SATB2: variants seen among roughly 807,000 people sequenced by gnomAD.
The protein encoded by SATB2 is SATB homeobox 2.
A neutral mutation model predicts 73.4 loss-of-function variants in SATB2; 1 was observed. The observed-to-expected ratio is 0.01, with a 90% confidence interval of 0.00 to 0.06. SATB2 has a LOEUF of 0.06. Ranked by LOEUF, SATB2 falls within the 10% of genes least tolerant of loss-of-function variation. The probability of loss-of-function intolerance (pLI) is 1.00; values close to 1 mark genes in which losing one functional copy is unlikely to be tolerated. For synonymous variants in SATB2, 397 were observed against 367.0 expected (o/e 1.08, Z -0.93); for missense variants, 459 against 945.8 (o/e 0.49, Z 6.75).
intron 10 of SATB2, among the ~76,000 whole-genome samples, chr2:199,278,261 T>C (rs892975875): frequency 2.6e-5 from 4 of 152,174 alleles, no homozygotes; most frequent in African/African-American, 9.7e-5. Context: ...ATATACTTGG[T>C]ACAATTGCAA....
intron 6 of SATB2, among the ~76,000 whole-genome samples, chr2:199,359,640 T>A (rs373783127): frequency 9.9e-5 from 15 of 152,184 alleles, no homozygotes; most frequent in Non-Finnish European, 1.5e-5. Flanking sequence ...ATTTACTAAG[T>A]ATTCACTGTG....
chr2:199,386,607 T>G (rs1216772575), intron 3 of SATB2, among the ~76,000 whole-genome samples: 1 of 152,056 alleles, frequency 6.6e-6, no homozygotes, highest in African/African-American at 2.4e-5. Flanking sequence ...TTCCCAACAT[T>G]CACATTCTAT....
Position 199,457,003 on chromosome 2 carries a change from A to T in SATB2, c.-60+336T>A, listed in dbSNP as rs995480850. 1.3e-5 allele frequency among the ~76,000 whole-genome samples: 2 copies of T among 151,328 alleles called. No individual in the cohort carries two copies. The highest frequency in any genetic ancestry group is 1.5e-5 in the Non-Finnish European group (1 of 67,810). ...GGGGGGGCGGGGAAGGAGGGGAAAC[A>T]CCTGATGAAACGGCGCTCGCGTTGT... On this transcript the variant is annotated intron_variant, in intron 1 of 10. Transcript: ENST00000417098. The surrounding 1 kb of genome is among the most constrained non-coding windows in gnomAD (Gnocchi z 4.8).
At chr2:199,344,908 T>C (rs1680453968) in intron 7 of SATB2, among the ~76,000 whole-genome samples, 2 of 152,168 alleles carry the variant, frequency 1.3e-5, no homozygotes, top group Admixed American at 6.5e-5. Flanking sequence ...AATGAAATTA[T>C]ACTCTAAACT....
At chr2:199,355,331 TG>T (rs1688941576) in intron 6 of SATB2, among the ~76,000 whole-genome samples, 1 of 101,234 alleles carries the variant, frequency 9.9e-6, no homozygotes, top group African/African-American at 3.7e-5. Context: ...TGTATGTGTG[TG>T]TGTGTGTGTG....
At chr2:199,288,603 C>A (rs555784364) in intron 10 of SATB2, among the ~76,000 whole-genome samples, 2 of 151,964 alleles carry the variant, frequency 1.3e-5, no homozygotes, top group African/African-American at 2.4e-5. Context: ...AGATGTTCAC[C>A]AAGAAAATAC....
chr2:199,327,108 T>C (rs773828377), intron 8 of SATB2, among the ~76,000 whole-genome samples: 8 of 152,162 alleles, frequency 5.3e-5, no homozygotes, highest in Non-Finnish European at 1.0e-4. Context: ...AAAACAACCT[T>C]TGGTTTTGAA....
intron 9 of SATB2, among the ~76,000 whole-genome samples, chr2:199,319,207 C>T (rs955803622): frequency 6.6e-6 from 1 of 152,092 alleles, no homozygotes; most frequent in Admixed American, 6.5e-5. Flanking sequence ...ACAATTATGC[C>T]TCCCATTCTA....
At chr2:199,339,126 C>T (rs1264921500) in intron 7 of SATB2, among the ~76,000 whole-genome samples, 2 of 152,034 alleles carry the variant, frequency 1.3e-5, no homozygotes, top group African/African-American at 4.8e-5. Context: ...ATAGGCAGAG[C>T]ACAAACAAAG....
At chr2:199,297,945 A>G (rs536917730) in intron 10 of SATB2, among the ~76,000 whole-genome samples, 1 of 152,300 alleles carries the variant, frequency 6.6e-6, no homozygotes. Flanking sequence ...AAAAAGCTTA[A>G]AATGTAGGAA....
intron 10 of SATB2, among the ~76,000 whole-genome samples, chr2:199,305,451 C>T (rs1465891861): frequency 1.3e-5 from 2 of 152,102 alleles, no homozygotes; most frequent in Admixed American, 6.6e-5. Context: ...CCCCATGATA[C>T]AAGTTTACCT....
intron 2 of SATB2, 69 bp from the exon 3 acceptor site, chr2:199,433,583 G>C: frequency 7.0e-7 from 1 of 1,418,558 alleles, no homozygotes; most frequent in Non-Finnish European, 1.0e-6. Context: ...ACGATGAGAA[G>C]GGAAGCAACA....
At chr2:199,433,604 T>C in intron 2 of SATB2, 90 bp from the exon 3 acceptor site, 1 of 1,200,434 alleles carries the variant, frequency 8.3e-7, no homozygotes. Flanking sequence ...GTTATAAAAG[T>C]CAGTCATCTG....
Position 199,380,484 on chromosome 2 carries a change from A to G in SATB2, c.477T>C (p.Cys159=). The G allele has an allele frequency of 6.2e-7, 1 of 1,613,042 alleles. No individual in the cohort carries two copies. The highest frequency in any genetic ancestry group is 8.5e-7 in the Non-Finnish European group (1 of 1,179,958). The change falls in exon 5 of 11, where the codon TGT becomes TGC. Residue 159 remains cysteine, a synonymous_variant. Coordinates refer to ENST00000417098, the MANE Select transcript of SATB2 (RefSeq NM_001172509.2). ...CCGCAGGCAAGTCTTCCAACTTTGA[A>G]CAACTGCAAAACAGAGCAATAATGA... ...VVTLKIQLQS[C]SKLEDLPAEQ... is the part of the protein sequence containing the mutation.
chr2:199,438,038 C>T (rs1441360226), intron 2 of SATB2, among the ~76,000 whole-genome samples: 2 of 152,072 alleles, frequency 1.3e-5, no homozygotes, highest in African/African-American at 2.4e-5. Flanking sequence ...GTACTTGAAA[C>T]ATAGCTAGTC....
intron 3 of SATB2, among the ~76,000 whole-genome samples, chr2:199,389,553 G>A (rs544826710): frequency 1.8e-4 from 28 of 152,208 alleles, no homozygotes; most frequent in African/African-American, 6.3e-4. Flanking sequence ...AATAAACACT[G>A]AACATATACT....
intron 6 of SATB2, among the ~76,000 whole-genome samples, chr2:199,367,217 G>A (rs1427249341): frequency 6.6e-6 from 1 of 152,156 alleles, no homozygotes; most frequent in Non-Finnish European, 1.5e-5. Flanking sequence ...GTCTTATAAT[G>A]AGAAGGGGTT....
In SATB2 at chr2:199,349,029, A is replaced by T; in HGVS notation, c.845T>A (p.Ile282Asn). Residue 282 changes from isoleucine to asparagine, a missense_variant, in exon 7 of 11, where the codon ATC becomes AAC. Physicochemically the swap from Ile to Asn is moderately radical, Grantham distance 149 (BLOSUM62 -3). Transcript: ENST00000417098. The part of the protein sequence containing the change: ...PHSQIHHSTP[I>N]RNQVPALQPI... ...CTGTAATGCGGGCACTTGGTTTCGG[A>T]TTGGAGTACTGTGGTGAATTTGGCT... 6.2e-7 allele frequency: 1 copy of T among 1,614,072 alleles called. No homozygotes were observed. The highest frequency in any genetic ancestry group is 8.5e-7 in the Non-Finnish European group (1 of 1,179,974).
intron 3 of SATB2, among the ~76,000 whole-genome samples, chr2:199,414,655 G>A (rs983677205): frequency 2.6e-4 from 40 of 152,178 alleles, no homozygotes; most frequent in African/African-American, 7.7e-4. Flanking sequence ...GCTGTGACTC[G>A]GTGTGTCAAA....
Sources: gnomAD v4.1 joint callset for allele counts (sites outside exome capture counted in the v4.1 genomes callset) on GRCh38, gnomAD v4.1.1 for gene constraint, Gnocchi (gnomAD v3.1) non-coding constraint, MANE v1.5 for transcripts, NCBI Gene and HGNC (gene_info 2026-07-23, HGNC 2026-07-21) for gene names.